ZNF654: variants seen among roughly 807,000 people sequenced by gnomAD.
ZNF654 encodes zinc finger protein 654.
Under a neutral mutation model 95.3 loss-of-function variants are expected in ZNF654, and 19 were observed. The ratio of observed to expected loss-of-function variants is 0.20; its 90% CI spans 0.14 to 0.29. The LOEUF is 0.29. ZNF654 is among the 10% of genes least tolerant of loss of function. The pLI is 1.00. For missense variants in ZNF654, 1,046 were observed against 1,341.0 expected (o/e 0.78, Z 3.44); for synonymous variants, 413 against 457.9 (o/e 0.90, Z 1.25).
intron 2 of ZNF654, chr3:88,095,571 C>T (rs1418889216): frequency 5.8e-6 from 3 of 519,976 alleles, no homozygotes; most frequent in Non-Finnish European, 1.2e-5. Flanking sequence ...TCATTAAAAA[C>T]ATAAATTGCC....
At chr3:88,135,925 A>G (rs1441928705) in intron 7 of ZNF654, among the ~76,000 whole-genome samples, 1 of 152,114 alleles carries the variant, frequency 6.6e-6, no homozygotes, top group Non-Finnish European at 1.5e-5. Context: ...TAAATAATAC[A>G]TTTTAATTTT....
At chr3:88,063,799 AT>A (rs1707031989) in intron 1 of ZNF654, among the ~76,000 whole-genome samples, 1 of 151,840 alleles carries the variant, frequency 6.6e-6, no homozygotes, top group Non-Finnish European at 1.5e-5. Context: ...CCATACTATC[AT>A]TTGCTCTTTC....
intron 1 of ZNF654, among the ~76,000 whole-genome samples, chr3:88,065,699 C>T (rs114959327): frequency 0.01 from 1,566 of 151,802 alleles, 26 homozygotes; most frequent in African/African-American, 0.035. Context: ...ATTTCATTTT[C>T]TTTTCCTACC....
chr3:88,141,865 G>GT lies in ZNF654; in HGVS notation c.*217dup. 2.5e-6 allele frequency: 1 copy of GT among 396,654 alleles called. No homozygotes were observed. Among genetic ancestry groups the GT allele is most frequent in the Non-Finnish European group, 4.6e-6 (1 of 219,598 alleles). 24.6% of individuals were successfully genotyped at this position (396,654 alleles called of 1,614,324 possible). A position where few individuals can be genotyped will look rare whatever the true frequency, so the allele number is the denominator to read the frequency against. The stretch of plus-strand genomic sequence containing the variant: ...GGATTATAAAACTCCCAAAGTACCA[G>GT]TTTTCCAGAAAACCACATTTTACAG... On this transcript the variant is annotated 3_prime_UTR_variant, in exon 9 of 9. Transcript: ENST00000636215.
chr3:88,083,939 TTTTA>T (rs1460445346), intron 1 of ZNF654, among the ~76,000 whole-genome samples: 38 of 24,006 alleles, frequency 1.6e-3, no homozygotes, highest in Admixed American at 7.8e-3. Context: ...AATGTACTTA[TTTTA>T]TATATATATA....
chr3:88,091,722 G>C (rs994303654), intron 2 of ZNF654, among the ~76,000 whole-genome samples: 2 of 152,144 alleles, frequency 1.3e-5, no homozygotes, highest in Non-Finnish European at 1.5e-5. Context: ...TCATGATAGT[G>C]AATAAGTCTC....
chr3:88,126,427 G>A (rs931176553), intron 4 of ZNF654, among the ~76,000 whole-genome samples, 158 bp downstream of exon 4: 2 of 151,872 alleles, frequency 1.3e-5, no homozygotes, highest in African/African-American at 4.8e-5. Context: ...TTCTAAACTG[G>A]CCCAAAGTGA....
chr3:88,134,156 T>C (rs1475398646), intron 6 of ZNF654, among the ~76,000 whole-genome samples: 1 of 151,688 alleles, frequency 6.6e-6, no homozygotes, highest in Non-Finnish European at 1.5e-5. Flanking sequence ...ATAGCTAGTA[T>C]GAAATGGAAT....
At chr3:88,123,645 A>G (rs1204320855) in intron 3 of ZNF654, among the ~76,000 whole-genome samples, 1 of 152,158 alleles carries the variant, frequency 6.6e-6, no homozygotes, top group Non-Finnish European at 1.5e-5. Flanking sequence ...CAACTTCAGG[A>G]AGTTGGAAAT....
intron 7 of ZNF654, among the ~76,000 whole-genome samples, chr3:88,136,451 G>A (rs1298907520): frequency 1.3e-5 from 2 of 152,266 alleles, no homozygotes; most frequent in East Asian, 3.9e-4. Context: ...ACTGTGAAGA[G>A]TCATAAATAC....
chr3:88,072,592 T>C (rs1224840062), intron 1 of ZNF654, among the ~76,000 whole-genome samples: 1 of 152,196 alleles, frequency 6.6e-6, no homozygotes, highest in African/African-American at 2.4e-5. Flanking sequence ...CCTCCACAGA[T>C]AGACTCTTAT....
chr3:88,134,467 C>T (rs1327215770), intron 6 of ZNF654, among the ~76,000 whole-genome samples: 8 of 151,964 alleles, frequency 5.3e-5, no homozygotes, highest in Admixed American at 2.0e-4. Context: ...AAAAACCCAC[C>T]GCTCCTAGCC....
intron 7 of ZNF654, 61 bp from the exon 8 acceptor site, chr3:88,138,644 G>T: frequency 1.0e-6 from 1 of 996,672 alleles, no homozygotes; most frequent in East Asian, 3.3e-5. Context: ...TTTAAAGATA[G>T]ACTAGTATAA....
chr3:88,141,505 A>G lies in ZNF654; in HGVS notation c.3380-140A>G, dbSNP rs545929609. 794 of 551,720 alleles carry G rather than the reference A, an allele frequency of 1.4e-3. 1 individual carries two copies. Among genetic ancestry groups the G allele is most frequent in the Non-Finnish European group, 1.9e-3 (670 of 343,940 alleles). 34.2% of individuals were successfully genotyped at this position (551,720 alleles called of 1,614,324 possible). A position where few individuals can be genotyped will look rare whatever the true frequency, so the allele number is the denominator to read the frequency against. On this transcript the variant is annotated intron_variant, in intron 8 of 8. Coordinates refer to ENST00000636215, the MANE Select transcript of ZNF654 (RefSeq NM_001350134.2). ...AAAGAACAGAAAATAATTGAGAAAC[A>G]AAATCAGAAAAAGAGCTTGTCTGTC...
chr3:88,112,487 T>C (rs7618080), intron 2 of ZNF654, among the ~76,000 whole-genome samples: 118,805 of 151,672 alleles, frequency 0.78, 47,453 homozygotes, highest in South Asian at 0.91. Context: ...ACATAAAGTA[T>C]TTAGTAACAG....
chr3:88,082,543 G>A (rs999038635), intron 1 of ZNF654, among the ~76,000 whole-genome samples: 3 of 152,234 alleles, frequency 2.0e-5, no homozygotes, highest in African/African-American at 7.2e-5. Context: ...GAAAGTTGAT[G>A]ACAATGGGAG....
In ZNF654 at chr3:88,060,867, G is replaced by A. The variant is rs73844846; in HGVS notation, c.186+1362G>A. On this transcript the variant is annotated intron_variant, in intron 1 of 8. Coordinates refer to ENST00000636215, the MANE Select transcript of ZNF654 (RefSeq NM_001350134.2). ...GCATTGAAAGAAAAAGGATGGAGTTGACATTTTTCAGGTAAGTTTTTAATG... is the reference window on the plus strand; with the variant it reads ...GCATTGAAAGAAAAAGGATGGAGTTAACATTTTTCAGGTAAGTTTTTAATG... Among the ~76,000 whole-genome samples, 462 of 152,150 alleles carry A rather than the reference G, an allele frequency of 3.0e-3. 3 individuals carry two copies. Among genetic ancestry groups the A allele is most frequent in the African/African-American group, 0.011 (444 of 41,522 alleles).
chr3:88,131,293 A>T (rs1302517864), intron 6 of ZNF654, among the ~76,000 whole-genome samples: 4 of 152,222 alleles, frequency 2.6e-5, no homozygotes, highest in Admixed American at 6.5e-5. Context: ...TCTTCTGTTC[A>T]CTGAAATGTT....
chr3:88,130,617 ATTTTTT>A (rs10674029), intron 6 of ZNF654, among the ~76,000 whole-genome samples: 1 of 129,206 alleles, frequency 7.7e-6, no homozygotes, highest in African/African-American at 2.9e-5. Context: ...TGCCCAGCTA[ATTTTTT>A]TTTTTTTTTT....
Sources: allele counts gnomAD v4.1 joint callset (sites outside exome capture counted in the v4.1 genomes callset), GRCh38; gene constraint gnomAD v4.1.1; transcripts MANE v1.5; gene names NCBI Gene and HGNC (gene_info 2026-07-23, HGNC 2026-07-21).